Variants in SMG7 observed in about 807,000 individuals in gnomAD.
The protein encoded by SMG7 is SMG7 nonsense mediated mRNA decay factor, also known as nonsense-mediated mRNA decay factor SMG7.
Under a neutral mutation model 148.2 loss-of-function variants are expected in SMG7, and 34 were observed. That is an observed-to-expected ratio of 0.23 (90% CI 0.17 to 0.31). The LOEUF (loss-of-function observed/expected upper bound fraction) is 0.31. Ranked by LOEUF, SMG7 falls within the 10% of genes least tolerant of loss-of-function variation. The pLI is 1.00. For missense variants in SMG7, 1,114 were observed against 1,408.4 expected, an observed-to-expected ratio of 0.79 and a Z score of 3.35; for synonymous variants, 492 against 515.1, an observed-to-expected ratio of 0.96 and a Z score of 0.61.
rs777758585 is a variant in SMG7, at chr1:183,542,085, G to T, written c.1425G>T (p.Gln475His). Residue 475 changes from glutamine (Q) to histidine (H), a missense_variant, in exon 14 of 23, where the codon CAG (glutamine) becomes CAT (histidine). By Grantham distance (24) the Gln-to-His change is conservative. Transcript: ENST00000688051. Reference sequence around the variant, plus strand: ...ATTTTTGCTTTTTTAGGCTGATTCAGTGTGAAAATGAGGTAGGGAAATTGT... The same window carrying T: ...ATTTTTGCTTTTTTAGGCTGATTCATTGTGAAAATGAGGTAGGGAAATTGT... ...WIADNQPRLI[Q>H]CENEVGKLLF... 6.2e-7 allele frequency: 1 copy of T among 1,608,930 alleles called. No individual in the cohort carries two copies. Among genetic ancestry groups the T allele is most frequent in the Non-Finnish European group, 8.5e-7 (1 of 1,176,816 alleles).
In SMG7 at chr1:183,542,388, A is replaced by G; in HGVS notation, c.1728A>G (p.Gly576=). 6.2e-7 allele frequency: 1 copy of G among 1,614,016 alleles called. No individual in the cohort carries two copies. Among genetic ancestry groups the G allele is most frequent in the Non-Finnish European group, 8.5e-7 (1 of 1,179,900 alleles). Reference sequence around the variant, plus strand: ...AGGTGAGAAGGGACTATAGCAAAGGAATAACTGTAACTAAGAATGATGGAA... The same window carrying G: ...AGGTGAGAAGGGACTATAGCAAAGGGATAACTGTAACTAAGAATGATGGAA... ...PKEVRRDYSK[G]ITVTKNDGKK... Residue 576 remains glycine, a synonymous_variant, in exon 14 of 23, where the codon GGA becomes GGG. Coordinates refer to ENST00000688051, the MANE Select transcript of SMG7 (RefSeq NM_001375584.1).
intron 10 of SMG7, among the ~76,000 whole-genome samples, 170 bp downstream of exon 10, chr1:183,534,002 A>T (rs1047059430): frequency 1.1e-4 from 17 of 152,146 alleles, no homozygotes; most frequent in African/African-American, 4.1e-4. Context: ...TCATTTGTTT[A>T]TTTGAATTCT....
At chr1:183,504,150 C>T (rs1250778508) in intron 1 of SMG7, among the ~76,000 whole-genome samples, 1 of 151,924 alleles carries the variant, frequency 6.6e-6, no homozygotes, top group Non-Finnish European at 1.5e-5. Flanking sequence ...TATGTACATG[C>T]CTTTGTATCT....
intron 1 of SMG7, among the ~76,000 whole-genome samples, chr1:183,508,559 A>G (rs1042365542): frequency 6.6e-6 from 1 of 152,190 alleles, no homozygotes; most frequent in Non-Finnish European, 1.5e-5. Context: ...AAACATTTAT[A>G]TAAGGTTACG....
At chr1:183,478,845 T>G (rs932285847) in intron 1 of SMG7, among the ~76,000 whole-genome samples, 1 of 152,198 alleles carries the variant, frequency 6.6e-6, no homozygotes, top group African/African-American at 2.4e-5. Flanking sequence ...AGCATACGTC[T>G]TGTAGATAGT....
chr1:183,549,974 T>A (rs775957544), intron 20 of SMG7, 51 bp downstream of exon 20: 1 of 1,280,364 alleles, frequency 7.8e-7, no homozygotes, highest in Non-Finnish European at 1.1e-6. Context: ...TACACTCAGA[T>A]TGATTAAGGG....
intron 1 of SMG7, among the ~76,000 whole-genome samples, chr1:183,503,783 A>T (rs1316985915): frequency 6.6e-6 from 1 of 152,160 alleles, no homozygotes; most frequent in East Asian, 1.9e-4. Flanking sequence ...TACTTGTCTT[A>T]TTTATTCCTC....
chr1:183,529,539 A>G lies in SMG7; in HGVS notation c.843+6A>G, dbSNP rs1471221218. 6.2e-7 allele frequency: 1 copy of G among 1,604,374 alleles called. No homozygotes were observed. Among genetic ancestry groups the G allele is most frequent in the Non-Finnish European group, 8.5e-7 (1 of 1,176,394 alleles). ...AATTGGAAGAACAGTTTAAGGTTAG[A>G]TTTCAGAAATAGAGAATTTTTGTCT... On this transcript the variant is annotated splice_donor_region_variant and intron_variant, in intron 8 of 22. Transcript: ENST00000688051.
chr1:183,527,332 CA>C lies in SMG7; in HGVS notation c.484+568del, dbSNP rs1488275431. On this transcript the variant is annotated intron_variant, in intron 5 of 22. Coordinates refer to ENST00000688051, the MANE Select transcript of SMG7 (RefSeq NM_001375584.1). The surrounding 1 kb of genome is among the most constrained non-coding windows in gnomAD (Gnocchi z 4.0). ...TATAGGATTATGTTTTGCTTGTCCT[CA>C]AATAACAAAGAATGGAGAACATTAC... 6.6e-6 allele frequency among the ~76,000 whole-genome samples: 1 copy of C among 152,150 alleles called. No homozygotes were observed. Among genetic ancestry groups the C allele is most frequent in the Non-Finnish European group, 1.5e-5 (1 of 68,034 alleles).
Position 183,545,126 on chromosome 1 carries a change from A to G in SMG7, c.2184A>G (p.Pro728=), listed in dbSNP as rs779551177. 18 of 1,614,064 alleles carry G rather than the reference A, an allele frequency of 1.1e-5. No homozygotes were observed. The highest frequency in any genetic ancestry group is 8.3e-5 in the Admixed American group (5 of 60,016). ...AGCAACGGCCCTCTGGACCAGGGCC[A>G]ATGAACCAGGGACCTCAACAATCAC... is the stretch of plus-strand genomic sequence containing the variant. The part of the protein sequence containing the change: ...YSQQRPSGPG[P]MNQGPQQSQP... The change falls in exon 16 of 23, where the codon CCA becomes CCG. Residue 728 remains proline (P), a synonymous_variant. Coordinates refer to ENST00000688051, the MANE Select transcript of SMG7 (RefSeq NM_001375584.1).
intron 17 of SMG7, 138 bp from the exon 18 acceptor site, chr1:183,546,965 G>A (rs699246): frequency 7.3e-6 from 6 of 825,672 alleles, no homozygotes; most frequent in African/African-American, 5.2e-5. Flanking sequence ...ATTTCAGAGC[G>A]TTTTTTCTCT....
Position 183,549,413 on chromosome 1 carries a change from G to A in SMG7, c.2973+125G>A, listed in dbSNP as rs185959803. On this transcript the variant is annotated intron_variant, in intron 19 of 22. Transcript: ENST00000688051. ...ATGTATTAGTGTATTCCAGATATTT[G>A]ATTTTATCCCCCTTGTCTCTGATTG... 4,586 of 712,540 alleles carry A rather than the reference G, an allele frequency of 6.4e-3. 17 individuals are homozygous for A. Among genetic ancestry groups the A allele is most frequent in the Non-Finnish European group, 8.7e-3 (3,690 of 424,860 alleles). The allele number at this position is 712,540 out of a possible 1,614,324, so 44.1% of individuals were successfully genotyped here. A position where few individuals can be genotyped will look rare whatever the true frequency, so the allele number is the denominator to read the frequency against.
intron 2 of SMG7, among the ~76,000 whole-genome samples, 179 bp from the exon 3 acceptor site, chr1:183,515,695 T>A (rs1038216621): frequency 6.6e-6 from 1 of 151,798 alleles, no homozygotes; most frequent in Non-Finnish European, 1.5e-5. Context: ...TAGTCATTAG[T>A]CAAAAGTTGA....
intron 1 of SMG7, among the ~76,000 whole-genome samples, chr1:183,491,596 G>A (rs1030855859): frequency 2.6e-5 from 4 of 151,578 alleles, no homozygotes; most frequent in Non-Finnish European, 5.9e-5. Flanking sequence ...TTGTCTTTTC[G>A]GTTTTTAATG....
At position 183,553,608 on chromosome 1, in the gene SMG7, G is replaced by GTCCCCCCCC. The variant is rs757787584; in HGVS notation, c.*1677_*1678insTCCCCCCCC. ...TTGCTCTTCAGAGAGAGTGGTTGGAGCCCCCCCCGCCCCGTATGCTTACAT... is the reference window on the plus strand; with the variant it reads ...TTGCTCTTCAGAGAGAGTGGTTGGAGTCCCCCCCCCCCCCCCCGCCCCGTATGCTTACAT... On this transcript the variant is annotated 3_prime_UTR_variant, in exon 23 of 23. Transcript: ENST00000688051. 7.8e-6 allele frequency: 1 copy of GTCCCCCCCC among 128,296 alleles called. No homozygotes were observed. The highest frequency in any genetic ancestry group is 1.7e-5 in the Non-Finnish European group (1 of 59,302). The allele number at this position is 128,296 out of a possible 1,614,324, so 7.9% of individuals were successfully genotyped here. A position where few individuals can be genotyped will look rare whatever the true frequency, so the allele number is the denominator to read the frequency against.
chr1:183,500,390 C>T (rs1009753389), intron 1 of SMG7, among the ~76,000 whole-genome samples: 1 of 152,008 alleles, frequency 6.6e-6, no homozygotes, highest in Admixed American at 6.5e-5. Context: ...AGATGGAAAA[C>T]CTTTCAGATT....
intron 1 of SMG7, among the ~76,000 whole-genome samples, chr1:183,477,837 T>C (rs1653045030): frequency 6.6e-6 from 1 of 152,164 alleles, no homozygotes; most frequent in Non-Finnish European, 1.5e-5. Flanking sequence ...TATATATACA[T>C]ATATTTTTTG....
rs2102845536 is a variant in SMG7, at chr1:183,552,800, G to A, written c.*869G>A. ...CAGAAGGCAGGCTAGTCCATTCACA[G>A]CCTGACACGTTCTAATAGGTAGAAG... On this transcript the variant is annotated 3_prime_UTR_variant, in exon 23 of 23. Transcript: ENST00000688051. 5 of 1,421,590 alleles carry A rather than the reference G, an allele frequency of 3.5e-6. No individual in the cohort carries two copies. The East Asian group carries it at 7.6e-5, about 22-fold the overall frequency. The allele number at this position is 1,421,590 out of a possible 1,614,324, so 88.1% of individuals were successfully genotyped here. A position where few individuals can be genotyped will look rare whatever the true frequency, so the allele number is the denominator to read the frequency against.
At chr1:183,476,253 G>A (rs972022930) in intron 1 of SMG7, among the ~76,000 whole-genome samples, 1 of 152,148 alleles carries the variant, frequency 6.6e-6, no homozygotes, top group Non-Finnish European at 1.5e-5. Flanking sequence ...TGGTTGGGGG[G>A]TGTAGCAATT....
Sources: allele counts gnomAD v4.1 joint callset (sites outside exome capture counted in the v4.1 genomes callset), GRCh38; gene constraint gnomAD v4.1.1; non-coding constraint Gnocchi (gnomAD v3.1); transcripts MANE v1.5; gene names NCBI Gene and HGNC (gene_info 2026-07-23, HGNC 2026-07-21).